CTNNA2: variants seen among roughly 807,000 people sequenced by gnomAD.
CTNNA2 encodes catenin alpha-2.
In CTNNA2, 42 loss-of-function variants were observed where a neutral mutation model predicts 101.0. The observed-to-expected ratio is 0.42, with a 90% CI of 0.32 to 0.54. CTNNA2 has a LOEUF of 0.54. Among genes scored for constraint, CTNNA2 ranks in the 20% least tolerant of loss-of-function variants. The probability of loss-of-function intolerance (pLI) is 0.14; values close to 1 mark genes in which losing one functional copy is unlikely to be tolerated. For synonymous variants in CTNNA2, 450 were observed against 456.4 expected, an observed-to-expected ratio of 0.99 and a Z score of 0.18; for missense variants, 871 against 1,223.1, an observed-to-expected ratio of 0.71 and a Z score of 4.29.
chr2:80,350,836 C>G (rs1673221881), intron 7 of CTNNA2, among the ~76,000 whole-genome samples: 1 of 152,080 alleles, frequency 6.6e-6, no homozygotes, highest in African/African-American at 2.4e-5. Flanking sequence ...TTAACAGCAG[C>G]CTCAAGCGTG....
At chr2:79,560,476 A>G (rs1298758837) in intron 1 of CTNNA2, among the ~76,000 whole-genome samples, 2 of 151,958 alleles carry the variant, frequency 1.3e-5, no homozygotes, top group South Asian at 2.1e-4. Flanking sequence ...TTAAAGTGTT[A>G]TTGAAGTTGG....
intron 9 of CTNNA2, among the ~76,000 whole-genome samples, chr2:80,480,322 A>G (rs1572994816): frequency 6.6e-6 from 1 of 152,094 alleles, no homozygotes; most frequent in African/African-American, 2.4e-5. Flanking sequence ...ATAATTTTAA[A>G]ATTTATTATA....
intron 7 of CTNNA2, among the ~76,000 whole-genome samples, chr2:79,917,498 C>T (rs914914106): frequency 3.3e-5 from 5 of 152,190 alleles, no homozygotes; most frequent in Non-Finnish European, 5.9e-5. Flanking sequence ...ATAGTTGGCA[C>T]GGAAGTCTTT....
intron 2 of CTNNA2, among the ~76,000 whole-genome samples, chr2:79,213,296 T>G (rs1435393222): frequency 6.6e-6 from 1 of 152,190 alleles, no homozygotes; most frequent in South Asian, 2.1e-4. Flanking sequence ...CCTTTGGAAG[T>G]AAAGCAGCTT....
intron 1 of CTNNA2, among the ~76,000 whole-genome samples, chr2:79,196,382 A>G (rs940572589): frequency 2.0e-5 from 3 of 152,148 alleles, no homozygotes; most frequent in African/African-American, 7.2e-5. Flanking sequence ...GAAAAAAATC[A>G]ATTTTGCTCA....
intron 7 of CTNNA2, among the ~76,000 whole-genome samples, chr2:80,155,847 A>G (rs754472816): frequency 5.9e-5 from 9 of 152,132 alleles, no homozygotes; most frequent in African/African-American, 2.2e-4. Flanking sequence ...CACATCAACT[A>G]TTTCCTCAAA....
At chr2:79,688,137 A>C (rs754745065) in intron 2 of CTNNA2, among the ~76,000 whole-genome samples, 1 of 152,142 alleles carries the variant, frequency 6.6e-6, no homozygotes, top group Non-Finnish European at 1.5e-5. Context: ...TGGTAGTGAA[A>C]TAAACAGTTG....
At chr2:79,853,761 C>A (rs775705030) in intron 3 of CTNNA2, among the ~76,000 whole-genome samples, 2 of 151,226 alleles carry the variant, frequency 1.3e-5, no homozygotes, top group South Asian at 4.2e-4. Context: ...ATTCACCTCC[C>A]GGGTTCAAGT....
chr2:79,191,914 T>C (rs1389183164), intron 1 of CTNNA2, among the ~76,000 whole-genome samples: 1 of 152,128 alleles, frequency 6.6e-6, no homozygotes. Flanking sequence ...GACGCAGAGA[T>C]GCCTCACACA....
chr2:80,546,167 C>A, intron 11 of CTNNA2, 104 bp downstream of exon 11: 1 of 1,387,510 alleles, frequency 7.2e-7, no homozygotes, highest in African/African-American at 1.4e-5. Context: ...CAGGCGCACT[C>A]CTTAGATCTT....
intron 2 of CTNNA2, among the ~76,000 whole-genome samples, chr2:79,721,432 C>A (rs1395905599): frequency 3.9e-5 from 6 of 152,168 alleles, no homozygotes; most frequent in Non-Finnish European, 8.8e-5. Context: ...GGGGCTCCAT[C>A]CAGATTACCT....
intron 4 of CTNNA2, among the ~76,000 whole-genome samples, chr2:79,868,514 T>C (rs974544154): frequency 6.6e-6 from 1 of 152,270 alleles, no homozygotes; most frequent in East Asian, 1.9e-4. Context: ...GAAGTGAAAT[T>C]AGCCACCTTT....
chr2:79,870,683 C>T (rs2104028457), intron 5 of CTNNA2, among the ~76,000 whole-genome samples: 1 of 152,210 alleles, frequency 6.6e-6, no homozygotes, highest in East Asian at 1.9e-4. Context: ...CCTCAGGAAA[C>T]TTACAATCAT....
At chr2:80,321,421 AT>A (rs1313893423) in intron 7 of CTNNA2, among the ~76,000 whole-genome samples, 4 of 152,224 alleles carry the variant, frequency 2.6e-5, no homozygotes, top group Non-Finnish European at 5.9e-5. Context: ...TACAGTGTAT[AT>A]TGAACGGAGT....
chr2:80,314,852 AG>A (rs1326391854), intron 7 of CTNNA2, among the ~76,000 whole-genome samples: 1 of 152,230 alleles, frequency 6.6e-6, no homozygotes, highest in Non-Finnish European at 1.5e-5. Context: ...TGTCCTTCAG[AG>A]GCAAATCTAT....
chr2:80,155,116 A>G (rs1400008902), intron 7 of CTNNA2, among the ~76,000 whole-genome samples: 1 of 152,170 alleles, frequency 6.6e-6, no homozygotes, highest in Non-Finnish European at 1.5e-5. Context: ...CATTTAATCT[A>G]TTGCCACATG....
At chr2:80,615,330 C>G (rs528892964) in intron 17 of CTNNA2, among the ~76,000 whole-genome samples, 5 of 151,540 alleles carry the variant, frequency 3.3e-5, no homozygotes, top group Non-Finnish European at 1.5e-5. Context: ...ATTCAAAGAG[C>G]TGCATTTATT....
chr2:79,396,823 A>G (rs1043423914), intron 4 of CTNNA2, among the ~76,000 whole-genome samples: 4 of 152,206 alleles, frequency 2.6e-5, no homozygotes, highest in African/African-American at 9.6e-5. Flanking sequence ...TGGGCAAAAA[A>G]TAACAATCTC....
intron 4 of CTNNA2, among the ~76,000 whole-genome samples, chr2:79,493,294 C>T (rs1380490095): frequency 2.6e-5 from 4 of 151,996 alleles, no homozygotes; most frequent in Non-Finnish European, 5.9e-5. Context: ...GAAAAGGAGA[C>T]AGTGAAATTA....
Sources: allele counts gnomAD v4.1 joint callset (sites outside exome capture counted in the v4.1 genomes callset), GRCh38; gene constraint gnomAD v4.1.1; transcripts MANE v1.5; gene names NCBI Gene and HGNC (gene_info 2026-07-23, HGNC 2026-07-21).